The following GPR137 variants were observed in gnomAD, a reference collection of about 807,000 sequenced individuals.
GPR137 encodes integral membrane protein GPR137.
Under a neutral mutation model 38.9 loss-of-function variants are expected in GPR137, and 20 were observed. The ratio of observed to expected loss-of-function variants is 0.51; its 90% confidence interval spans 0.36 to 0.75. GPR137 has a LOEUF of 0.75. Ranked by LOEUF, GPR137 falls within the 30% of genes least tolerant of loss-of-function variation. The probability of loss-of-function intolerance (pLI) is 0.00; values close to 1 mark genes in which losing one functional copy is unlikely to be tolerated. For missense variants in GPR137, 456 were observed against 526.4 expected, an observed-to-expected ratio of 0.87 and a Z score of 1.31; for synonymous variants, 226 against 235.8, an observed-to-expected ratio of 0.96 and a Z score of 0.38.
Position 64,286,886 on chromosome 11 carries a change from C to A in GPR137, c.357+5C>A. On this transcript the variant is annotated splice_donor_5th_base_variant and intron_variant, in intron 1 of 6. Coordinates refer to ENST00000438980, the MANE Select transcript of GPR137 (RefSeq NM_001170880.2). Reference sequence around the variant, plus strand: ...ATGAACCTCTACTTTGCCCAGGTAACCAACTGTGGTCCCGGGTGGGGGGCG... The same window carrying A: ...ATGAACCTCTACTTTGCCCAGGTAAACAACTGTGGTCCCGGGTGGGGGGCG... 1 of 1,608,032 alleles carries A rather than the reference C, an allele frequency of 6.2e-7. No homozygotes were observed. The highest frequency in any genetic ancestry group is 8.5e-7 in the Non-Finnish European group (1 of 1,175,716).
chr11:64,286,517 T>G lies in GPR137; in HGVS notation c.-8T>G. 1.2e-6 allele frequency: 2 copies of G among 1,601,148 alleles called. No homozygotes were observed. Among genetic ancestry groups the G allele is most frequent in the Non-Finnish European group, 1.7e-6 (2 of 1,172,958 alleles). The stretch of plus-strand genomic sequence containing the variant: ...TCTGTCTCCGGGATTCAGGCCTCCC[T>G]CCCTGACATGGAGAGTAACCTGTCT... On this transcript the variant is annotated 5_prime_UTR_variant, in exon 1 of 7. Transcript: ENST00000438980.
At chr11:64,281,814 G>A (rs1400356790), upstream of GPR137, among the ~76,000 whole-genome samples, 3 of 152,122 alleles carry the variant, frequency 2.0e-5, no homozygotes, top group Non-Finnish European at 4.4e-5. Context: ...TCCGCCTCCC[G>A]GGTTCAAGCG....
At chr11:64,270,563 G>A in exon 1 of GPR137, 1 of 718,126 alleles carries the variant, frequency 1.4e-6, no homozygotes. Flanking sequence ...GAGACGGGAA[G>A]AGAGGATGCC....
At chr11:64,285,477 A>G, upstream of GPR137, 1 of 984,764 alleles carries the variant, frequency 1.0e-6, no homozygotes, top group Non-Finnish European at 1.2e-6. Context: ...CCCGGGGGCC[A>G]TCTTGGCTAT....
intron 2 of GPR137, 62 bp downstream of exon 2, chr11:64,287,076 T>C (rs758784447): frequency 1.8e-4 from 289 of 1,576,722 alleles, no homozygotes; most frequent in Non-Finnish European, 2.3e-4. Flanking sequence ...CAGTCCCATG[T>C]AGATCCCTTC....
Position 64,286,584 on chromosome 11 carries a change from T to A in GPR137, c.60T>A (p.Pro20=). The change falls in exon 1 of 7, where the codon CCT becomes CCA. Residue 20 remains proline (P), a synonymous_variant. Coordinates refer to ENST00000438980, the MANE Select transcript of GPR137 (RefSeq NM_001170880.2). Reference sequence around the variant, plus strand: ...CCGGGCTGGTGCCTGCGCTGCCACCTGCTGTGACCCTGGGGCTGACAGCTG... The same window carrying A: ...CCGGGCTGGTGCCTGCGCTGCCACCAGCTGTGACCCTGGGGCTGACAGCTG... ...PAAGLVPALP[P]AVTLGLTAAY... 1 of 1,613,804 alleles carries A rather than the reference T, an allele frequency of 6.2e-7. No individual in the cohort carries two copies. Among genetic ancestry groups the A allele is most frequent in the Non-Finnish European group, 8.5e-7 (1 of 1,179,830 alleles).
At chr11:64,271,675 C>T (rs757313178), upstream of GPR137, 10 of 1,501,702 alleles carry the variant, frequency 6.7e-6, no homozygotes, top group South Asian at 1.1e-4. Flanking sequence ...CGCTGTGCTG[C>T]CCAGAGGTTG....
chr11:64,282,112 C>T (rs1714942688), upstream of GPR137, among the ~76,000 whole-genome samples: 1 of 152,182 alleles, frequency 6.6e-6, no homozygotes, highest in Admixed American at 6.6e-5. Context: ...CACCAGCTCA[C>T]TAGAAGGTAA....
At chr11:64,285,197 C>T, upstream of GPR137, 1 of 988,186 alleles carries the variant, frequency 1.0e-6, no homozygotes, top group Non-Finnish European at 1.2e-6. Context: ...CTCCCAGGCG[C>T]GGAAGCTTCG....
chr11:64,276,655 T>C (rs1445193635), intron 2 of GPR137: 3 of 475,552 alleles, frequency 6.3e-6, no homozygotes, highest in African/African-American at 2.0e-5. Flanking sequence ...AAGTGTTCTA[T>C]TTACAGGGAA....
chr11:64,282,050 C>T (rs1009877540), upstream of GPR137, among the ~76,000 whole-genome samples: 9 of 152,174 alleles, frequency 5.9e-5, no homozygotes, highest in African/African-American at 1.7e-4. Flanking sequence ...TGCCCCCATA[C>T]AAATCTTCTC....
upstream of GPR137, among the ~76,000 whole-genome samples, chr11:64,282,957 C>T (rs749731290): frequency 7.3e-5 from 11 of 151,364 alleles, no homozygotes; most frequent in Admixed American, 1.3e-4. Context: ...TTCCCAGTTA[C>T]GTGGGAGGAT....
chr11:64,277,153 C>T (rs2033129948), intron 2 of GPR137: 6 of 604,416 alleles, frequency 9.9e-6, no homozygotes, highest in South Asian at 7.6e-5. Context: ...AGCAGTGAAG[C>T]TCTGCCATCA....
intron 1 of GPR137, chr11:64,275,895 C>T (rs1238520918): frequency 6.6e-6 from 1 of 152,056 alleles, no homozygotes; most frequent in Non-Finnish European, 1.5e-5. Flanking sequence ...ATCCTTGCCA[C>T]ACCCTATCAG....
upstream of GPR137, among the ~76,000 whole-genome samples, chr11:64,272,173 G>A (rs1426938507): frequency 6.6e-6 from 1 of 152,124 alleles, no homozygotes; most frequent in Non-Finnish European, 1.5e-5. Context: ...ACAAAAATTA[G>A]CTGGGCATAG....
At chr11:64,278,316 T>C (rs1314795809) in intron 2 of GPR137, among the ~76,000 whole-genome samples, 1 of 151,028 alleles carries the variant, frequency 6.6e-6, no homozygotes, top group Non-Finnish European at 1.5e-5. Context: ...CGAGGCGAGA[T>C]TGCACCACTG....
At chr11:64,274,190 A>G (rs2032864985), upstream of GPR137, among the ~76,000 whole-genome samples, 1 of 150,574 alleles carries the variant, frequency 6.6e-6, no homozygotes, top group African/African-American at 2.5e-5. Flanking sequence ...CAGGAGATCG[A>G]GACCATCCTA....
chr11:64,289,458 G>T lies in GPR137; in HGVS notation c.*262G>T. 6.7e-7 allele frequency: 1 copy of T among 1,501,248 alleles called. No individual in the cohort carries two copies. The highest frequency in any genetic ancestry group is 8.8e-7 in the Non-Finnish European group (1 of 1,131,276). The allele number at this position is 1,501,248 out of a possible 1,614,324, so 93.0% of individuals were successfully genotyped here. On this transcript the variant is annotated 3_prime_UTR_variant, in exon 7 of 7. Transcript: ENST00000438980. ...CACACCGGAGCCAGCTACCTCTCCT[G>T]TGCCTGCCACTCAATAAACAGTGTC...
chr11:64,289,280 C>G lies in GPR137; in HGVS notation c.*84C>G. 6.2e-7 allele frequency: 1 copy of G among 1,613,472 alleles called. No individual in the cohort carries two copies. The highest frequency in any genetic ancestry group is 8.5e-7 in the Non-Finnish European group (1 of 1,179,878). Reference sequence around the variant, plus strand: ...TGCCAAGTTTGTCTGCCGCTTCTTGCCCAGGATCCTGGGGGTCGTGGCTAC... The same window carrying G: ...TGCCAAGTTTGTCTGCCGCTTCTTGGCCAGGATCCTGGGGGTCGTGGCTAC... On this transcript the variant is annotated 3_prime_UTR_variant, in exon 7 of 7. Transcript: ENST00000438980.
Sources: allele counts gnomAD v4.1 joint callset (sites outside exome capture counted in the v4.1 genomes callset), GRCh38; gene constraint gnomAD v4.1.1; transcripts MANE v1.5; gene names NCBI Gene and HGNC (gene_info 2026-07-23, HGNC 2026-07-21).